Variants in NELL1 observed in about 807,000 individuals in gnomAD.
NELL1 encodes protein kinase C-binding protein NELL1.
Under a neutral mutation model 107.4 loss-of-function variants are expected in NELL1, and 76 were observed. The ratio of observed to expected loss-of-function variants is 0.71; its 90% CI spans 0.59 to 0.86. The LOEUF (loss-of-function observed/expected upper bound fraction) is 0.86. Among genes scored for constraint, NELL1 ranks in the 40% least tolerant of loss-of-function variants. NELL1 has a pLI of 0.00. For missense variants in NELL1, 1,024 were observed against 1,005.5 expected (o/e 1.02, Z -0.25); for synonymous variants, 353 against 341.2 (o/e 1.03, Z -0.38).
chr11:21,470,569 G>T (rs1590957278), intron 15 of NELL1, among the ~76,000 whole-genome samples: 1 of 152,060 alleles, frequency 6.6e-6, no homozygotes, highest in African/African-American at 2.4e-5. Flanking sequence ...GCCACTGATG[G>T]TGCCTCTTCT....
At chr11:21,407,747 T>C (rs1852270850) in intron 15 of NELL1, among the ~76,000 whole-genome samples, 1 of 150,648 alleles carries the variant, frequency 6.6e-6, no homozygotes, top group Admixed American at 6.7e-5. Context: ...TCCCTTGCCC[T>C]CTGATGAAAC....
intron 16 of NELL1, among the ~76,000 whole-genome samples, chr11:21,543,683 A>G (rs150137998): frequency 3.3e-5 from 5 of 152,126 alleles, no homozygotes; most frequent in African/African-American, 1.2e-4. Flanking sequence ...CCTGCCATAC[A>G]TAGATAAGCC....
intron 12 of NELL1, among the ~76,000 whole-genome samples, chr11:21,098,405 C>A (rs1445036656): frequency 6.6e-6 from 1 of 152,178 alleles, no homozygotes; most frequent in African/African-American, 2.4e-5. Flanking sequence ...CCAAGCCTGC[C>A]TAATCTCTGT....
chr11:21,324,545 C>G lies in NELL1; in HGVS notation c.1550-46308C>G, dbSNP rs543466796. On this transcript the variant is annotated intron_variant, in intron 14 of 19. Transcript: ENST00000357134. Reference sequence around the variant, plus strand: ...CCTAAAGAAACCCTAGTGGCAACTTCCTTGAAACAGATTAGTGATTTTTCA... The same window carrying G: ...CCTAAAGAAACCCTAGTGGCAACTTGCTTGAAACAGATTAGTGATTTTTCA... 2.0e-4 allele frequency among the ~76,000 whole-genome samples: 31 copies of G among 152,150 alleles called. 1 individual carries two copies. The East Asian group carries it at 5.8e-3, about 28-fold the overall frequency.
At chr11:21,396,436 C>T (rs1236401106) in intron 15 of NELL1, among the ~76,000 whole-genome samples, 1 of 151,592 alleles carries the variant, frequency 6.6e-6, no homozygotes, top group Non-Finnish European at 1.5e-5. Context: ...GGTTTTATCT[C>T]AGCAAGACAG....
chr11:21,062,408 G>T (rs187656988), intron 12 of NELL1, among the ~76,000 whole-genome samples: 1 of 152,238 alleles, frequency 6.6e-6, no homozygotes, highest in Admixed American at 6.5e-5. Flanking sequence ...AAGACTAGAA[G>T]CTTCCATTCT....
intron 2 of NELL1, among the ~76,000 whole-genome samples, chr11:20,747,711 A>G (rs1282584164): frequency 6.6e-6 from 1 of 152,214 alleles, no homozygotes; most frequent in East Asian, 1.9e-4. Flanking sequence ...ACATCATAGC[A>G]GAAGGCATTT....
intron 15 of NELL1, among the ~76,000 whole-genome samples, chr11:21,526,046 C>T (rs115943465): frequency 0.034 from 5,227 of 152,222 alleles, 302 homozygotes; most frequent in African/African-American, 0.12. Flanking sequence ...TCCAAAGTCT[C>T]ATCTGACACA....
At chr11:20,749,919 A>G (rs550023245) in intron 2 of NELL1, among the ~76,000 whole-genome samples, 4 of 152,256 alleles carry the variant, frequency 2.6e-5, no homozygotes, top group East Asian at 1.9e-4. Flanking sequence ...ATTGTCAGCT[A>G]GTTTTCCATT....
chr11:20,975,311 C>T (rs768945354), intron 12 of NELL1, among the ~76,000 whole-genome samples: 9 of 151,832 alleles, frequency 5.9e-5, no homozygotes, highest in African/African-American at 1.9e-4. Flanking sequence ...CCACCGCACC[C>T]GGCTGGGGCT....
chr11:21,117,372 T>G (rs575393570), intron 13 of NELL1, among the ~76,000 whole-genome samples: 12 of 152,016 alleles, frequency 7.9e-5, no homozygotes, highest in Non-Finnish European at 1.6e-4. Flanking sequence ...TTTTGTTCTC[T>G]ACTATACCTT....
At chr11:21,137,650 G>A (rs572517686) in intron 13 of NELL1, among the ~76,000 whole-genome samples, 2 of 152,308 alleles carry the variant, frequency 1.3e-5, no homozygotes, top group South Asian at 4.1e-4. Flanking sequence ...CCAACTGTTA[G>A]GATGAAGAAT....
intron 14 of NELL1, among the ~76,000 whole-genome samples, chr11:21,350,586 C>T (rs537892620): frequency 1.4e-3 from 211 of 152,218 alleles, no homozygotes; most frequent in African/African-American, 5.0e-3. Flanking sequence ...GTTTAAATGG[C>T]CTGGTGAGAC....
intron 12 of NELL1, among the ~76,000 whole-genome samples, chr11:21,099,428 A>G (rs1272375254): frequency 6.6e-6 from 1 of 152,014 alleles, no homozygotes; most frequent in Middle Eastern, 3.2e-3. Context: ...GGGACAGTCA[A>G]GGGGCATTGG....
intron 1 of NELL1, among the ~76,000 whole-genome samples, chr11:20,673,407 T>TTCTAGCATTA (rs1853970592): frequency 6.6e-6 from 1 of 152,038 alleles, no homozygotes; most frequent in Admixed American, 6.5e-5. Flanking sequence ...TTGGAGCATT[T>TTCTAGCATTA]TTTTAGTCTG....
chr11:20,956,036 T>C (rs1851163302), intron 11 of NELL1, among the ~76,000 whole-genome samples: 2 of 151,496 alleles, frequency 1.3e-5, no homozygotes, highest in South Asian at 4.2e-4. Context: ...CTGGCCAACA[T>C]AGTGAAACCC....
At chr11:20,740,412 G>C (rs897822845) in intron 2 of NELL1, among the ~76,000 whole-genome samples, 18 of 152,136 alleles carry the variant, frequency 1.2e-4, no homozygotes, top group African/African-American at 3.9e-4. Flanking sequence ...GCATTTCCCC[G>C]GTCCCAGGCT....
chr11:21,254,484 GA>G lies in NELL1; in HGVS notation c.1549+25037del, dbSNP rs558790885. On this transcript the variant is annotated intron_variant, in intron 14 of 19. Coordinates refer to ENST00000357134, the MANE Select transcript of NELL1 (RefSeq NM_006157.5). ...AAGGTAACATTTGCTCAATTTATAC[GA>G]AAAAAAGACTTCATGGAGAAAAGGG... is the stretch of plus-strand genomic sequence containing the variant. Among the ~76,000 whole-genome samples the G allele has an allele frequency of 1.5e-3, 234 of 151,984 alleles. 2 individuals carry two copies. The highest frequency in any genetic ancestry group is 5.1e-3 in the African/African-American group (210 of 41,506).
At chr11:21,472,140 T>C (rs1348359621) in intron 15 of NELL1, among the ~76,000 whole-genome samples, 1 of 104,824 alleles carries the variant, frequency 9.5e-6, no homozygotes, top group African/African-American at 3.7e-5. Flanking sequence ...CAAGATTTGC[T>C]TTCTGTTTTG....
Sources: allele counts gnomAD v4.1 joint callset (sites outside exome capture counted in the v4.1 genomes callset), GRCh38; gene constraint gnomAD v4.1.1; transcripts MANE v1.5; gene names NCBI Gene and HGNC (gene_info 2026-07-23, HGNC 2026-07-21).